The following FSTL5 variants were observed in gnomAD, a reference collection of about 807,000 sequenced individuals.
The protein encoded by FSTL5 is follistatin-related protein 5.
FSTL5 carries 62 observed loss-of-function variants against 89.1 expected under a neutral mutation model. The ratio of observed to expected loss-of-function variants is 0.70; its 90% CI spans 0.57 to 0.86. The LOEUF is 0.86. Among genes scored for constraint, FSTL5 ranks in the 40% least tolerant of loss-of-function variants. FSTL5 has a pLI of 0.00. For synonymous variants in FSTL5, 383 were observed against 346.2 expected (o/e 1.11, Z -1.18); for missense variants, 1,057 against 1,001.6 (o/e 1.06, Z -0.75).
At chr4:161,784,834 C>T (rs968188437) in intron 4 of FSTL5, among the ~76,000 whole-genome samples, 5 of 143,104 alleles carry the variant, frequency 3.5e-5, no homozygotes, top group African/African-American at 1.3e-4. Flanking sequence ...GCGGAGCTTG[C>T]AGTGAGCCAA....
chr4:162,041,202 T>TAAAAAAAAAAAA (rs5863513), intron 2 of FSTL5, among the ~76,000 whole-genome samples: 1 of 97,764 alleles, frequency 1.0e-5, no homozygotes, highest in East Asian at 3.1e-4. Context: ...GATGAGATGG[T>TAAAAAAAAAAAA]AAAAAAAAAA....
intron 3 of FSTL5, among the ~76,000 whole-genome samples, chr4:161,988,008 CA>C (rs1195820782): frequency 7.7e-5 from 11 of 143,084 alleles, no homozygotes; most frequent in Middle Eastern, 3.4e-3. Context: ...ATTGAAAATA[CA>C]AAAAAAAATA....
At chr4:161,916,678 G>A (rs145439489) in intron 4 of FSTL5, among the ~76,000 whole-genome samples, 213 of 152,044 alleles carry the variant, frequency 1.4e-3, no homozygotes, top group African/African-American at 4.9e-3. Context: ...TAGGTATATT[G>A]TTTATTTTAT....
intron 12 of FSTL5, among the ~76,000 whole-genome samples, chr4:161,486,991 A>G (rs1578871598): frequency 6.6e-6 from 1 of 152,314 alleles, no homozygotes; most frequent in Admixed American, 6.5e-5. Context: ...ATTATTTTCA[A>G]TCTATATTTG....
chr4:161,683,593 C>A (rs1579018274), intron 6 of FSTL5, among the ~76,000 whole-genome samples: 1 of 151,940 alleles, frequency 6.6e-6, no homozygotes, highest in African/African-American at 2.4e-5. Context: ...TAATCCTCTA[C>A]CAAAATATTT....
In FSTL5 at chr4:161,530,172, T is replaced by C. The variant is rs1341325944; in HGVS notation, c.1312+7994A>G. 1.4e-5 allele frequency among the ~76,000 whole-genome samples: 2 copies of C among 142,756 alleles called. 1 individual carries two copies. The highest frequency in any genetic ancestry group is 4.9e-4 in the East Asian group (2 of 4,104). 93.7% of individuals were successfully genotyped at this position (142,756 alleles called of 152,430 possible). ...TTTCTAAAGTTTATGATAGTCATAT[T>C]CATACGATCTTTATAGGTAAAAAGA... On this transcript the variant is annotated intron_variant, in intron 10 of 15. Coordinates refer to ENST00000306100, the MANE Select transcript of FSTL5 (RefSeq NM_020116.5).
intron 4 of FSTL5, among the ~76,000 whole-genome samples, chr4:161,908,270 G>T (rs1301945327): frequency 6.6e-6 from 1 of 151,602 alleles, no homozygotes. Context: ...ACCTGATTAG[G>T]TTCCAATACA....
intron 8 of FSTL5, among the ~76,000 whole-genome samples, chr4:161,569,291 T>C (rs1274717216): frequency 2.0e-5 from 3 of 152,120 alleles, no homozygotes; most frequent in Non-Finnish European, 2.9e-5. Context: ...TAAAAAGCCA[T>C]GGCTGCCATA....
chr4:161,957,096 C>T (rs907087257), intron 3 of FSTL5, among the ~76,000 whole-genome samples: 3 of 151,838 alleles, frequency 2.0e-5, no homozygotes, highest in African/African-American at 7.3e-5. Context: ...AATTTTTATA[C>T]ACCAATGTGC....
At chr4:161,572,752 G>A (rs969090694) in intron 8 of FSTL5, among the ~76,000 whole-genome samples, 8 of 152,158 alleles carry the variant, frequency 5.3e-5, no homozygotes, top group African/African-American at 1.9e-4. Context: ...GACCTCAAGA[G>A]AGAAGATGTC....
At chr4:161,566,289 T>C (rs1732814757) in intron 8 of FSTL5, among the ~76,000 whole-genome samples, 1 of 151,550 alleles carries the variant, frequency 6.6e-6, no homozygotes, top group Non-Finnish European at 1.5e-5. Flanking sequence ...TGTTTTTACT[T>C]ATAAGTGGAA....
In FSTL5 at chr4:161,999,775, C is replaced by A. The variant is rs1736407353; in HGVS notation, c.160+33850G>T. Among the ~76,000 whole-genome samples, 3 of 152,180 alleles carry A rather than the reference C, an allele frequency of 2.0e-5. No homozygotes were observed. The South Asian group carries it at 6.2e-4, about 32-fold the overall frequency. ...CTATACATTTTATAAATTGAATACACCACATGAAATCATGATACATAATGC... is the reference window on the plus strand; with the variant it reads ...CTATACATTTTATAAATTGAATACAACACATGAAATCATGATACATAATGC... On this transcript the variant is annotated intron_variant, in intron 3 of 15. Coordinates refer to ENST00000306100, the MANE Select transcript of FSTL5 (RefSeq NM_020116.5).
intron 4 of FSTL5, among the ~76,000 whole-genome samples, chr4:161,917,111 C>T (rs1026421994): frequency 2.0e-5 from 3 of 152,100 alleles, no homozygotes; most frequent in African/African-American, 4.8e-5. Context: ...TGCCACCACA[C>T]CTGACTAATT....
chr4:161,752,418 G>A (rs775999711), intron 6 of FSTL5, among the ~76,000 whole-genome samples: 1 of 152,092 alleles, frequency 6.6e-6, no homozygotes, highest in Non-Finnish European at 1.5e-5. Context: ...CATACTTGAT[G>A]GATGCTTATA....
At chr4:161,771,111 C>T (rs986124610) in intron 5 of FSTL5, among the ~76,000 whole-genome samples, 3 of 151,906 alleles carry the variant, frequency 2.0e-5, no homozygotes, top group African/African-American at 7.3e-5. Flanking sequence ...TAAAGTTGTG[C>T]ACATAGATTT....
intron 15 of FSTL5, among the ~76,000 whole-genome samples, chr4:161,403,422 T>A (rs1436489134): frequency 6.6e-6 from 1 of 152,208 alleles, no homozygotes; most frequent in Non-Finnish European, 1.5e-5. Flanking sequence ...ATAGCAGATA[T>A]GACCTACTTT....
At chr4:161,659,903 CAACAA>C (rs1293293694) in intron 6 of FSTL5, among the ~76,000 whole-genome samples, 1 of 152,074 alleles carries the variant, frequency 6.6e-6, no homozygotes, top group Non-Finnish European at 1.5e-5. Context: ...ACTATCTTTG[CAACAA>C]ATAGCACCAA....
intron 3 of FSTL5, among the ~76,000 whole-genome samples, chr4:161,977,006 C>T (rs1026407747): frequency 6.6e-6 from 1 of 152,112 alleles, no homozygotes; most frequent in Non-Finnish European, 1.5e-5. Flanking sequence ...TTTATCCATT[C>T]AGATAAGGAC....
intron 6 of FSTL5, among the ~76,000 whole-genome samples, chr4:161,724,972 G>A (rs1380341846): frequency 1.3e-5 from 2 of 152,050 alleles, no homozygotes; most frequent in East Asian, 3.9e-4. Flanking sequence ...AGGGGCGAGT[G>A]GATAACAAGG....
Sources: gnomAD v4.1 joint callset for allele counts (sites outside exome capture counted in the v4.1 genomes callset) on GRCh38, gnomAD v4.1.1 for gene constraint, MANE v1.5 for transcripts, NCBI Gene and HGNC (gene_info 2026-07-23, HGNC 2026-07-21) for gene names.